FBLN7: variants seen among roughly 807,000 people sequenced by gnomAD.
The protein encoded by FBLN7 is fibulin-7.
FBLN7 carries 31 observed loss-of-function variants against 44.0 expected under a neutral mutation model. The ratio of observed to expected loss-of-function variants is 0.70; its 90% CI spans 0.53 to 0.95. The LOEUF is 0.95. FBLN7 is among the 40% of genes least tolerant of loss of function. The pLI is 0.00. For missense variants in FBLN7, 573 were observed against 618.5 expected, an observed-to-expected ratio of 0.93 and a Z score of 0.78; for synonymous variants, 262 against 253.4, an observed-to-expected ratio of 1.03 and a Z score of -0.32.
In FBLN7 at chr2:112,175,733, C is replaced by T. The variant is rs1261184293; in HGVS notation, c.426C>T (p.Ser142=). ...TCCTAGGTATCAGTGAATGCTCCAG[C>T]CAGCCTTGTCAAAATGGTGGTACAT... The part of the protein sequence containing the change: ...PHCRGISECS[S]QPCQNGGTCV... Residue 142 remains serine (S), a synonymous_variant, in exon 4 of 8, where the codon AGC becomes AGT. Coordinates refer to ENST00000331203, the MANE Select transcript of FBLN7 (RefSeq NM_153214.3). The T allele has an allele frequency of 6.2e-7, 1 of 1,614,078 alleles. No homozygotes were observed. Among genetic ancestry groups the T allele is most frequent in the African/African-American group, 1.3e-5 (1 of 74,930 alleles).
the FBLN7 span, chr2:112,236,640 C>T: frequency 1.2e-6 from 2 of 1,613,950 alleles, no homozygotes; most frequent in Non-Finnish European, 8.5e-7. Context: ...GCTTCATTTT[C>T]TTCTGTTTGC....
chr2:112,160,726 ACGCACG>A (rs1558879836), intron 2 of FBLN7, among the ~76,000 whole-genome samples: 16 of 132,706 alleles, frequency 1.2e-4, no homozygotes, highest in African/African-American at 2.7e-4. Context: ...GCACGCGCAC[ACGCACG>A]CACACGCACA....
At position 112,138,461 on chromosome 2, in the gene FBLN7, C is replaced by T. The variant is rs981852607; in HGVS notation, c.-195C>T. On this transcript the variant is annotated 5_prime_UTR_variant, in exon 1 of 8. Transcript: ENST00000331203. ...GCAGCTGCGGGCGCACCTGGACCCT[C>T]GCAAGGCCCGGGCGGCGCCGATCCC... 6 of 461,364 alleles carry T rather than the reference C, an allele frequency of 1.3e-5. No individual in the cohort carries two copies. Among genetic ancestry groups the T allele is most frequent in the African/African-American group, 6.3e-5 (3 of 47,326 alleles). 28.6% of individuals were successfully genotyped at this position (461,364 alleles called of 1,614,324 possible).
intron 3 of FBLN7, among the ~76,000 whole-genome samples, chr2:112,168,634 C>T (rs1396555802): frequency 6.6e-6 from 1 of 152,122 alleles, no homozygotes; most frequent in African/African-American, 2.4e-5. Flanking sequence ...TGTTTGATGA[C>T]CAATTGTGAC....
At chr2:112,150,181 C>T (rs1056851865) in intron 1 of FBLN7, among the ~76,000 whole-genome samples, 1 of 152,274 alleles carries the variant, frequency 6.6e-6, no homozygotes, top group East Asian at 1.9e-4. Flanking sequence ...GGGTTATGAG[C>T]TCTGGAGCAG....
the FBLN7 span, among the ~76,000 whole-genome samples, chr2:112,227,782 G>A: frequency 4.0e-5 from 6 of 151,822 alleles, no homozygotes; most frequent in Admixed American, 3.9e-4. Flanking sequence ...CTGTACACTT[G>A]TACAGTGAAA....
At chr2:112,191,733 C>A (rs1054611071), downstream of FBLN7, among the ~76,000 whole-genome samples, 4 of 152,122 alleles carry the variant, frequency 2.6e-5, no homozygotes, top group African/African-American at 9.7e-5. Context: ...TGGAATGGTT[C>A]CCCTCTCTGT....
In FBLN7 at chr2:112,187,245, G is replaced by C. The variant is rs377093141; in HGVS notation, c.1059G>C (p.Thr353=). ...SLPSNLKTPI[T]LFRMATASAP... ...CTTCCAACCTGAAGACGCCCATCAC[G>C]CTCTTCCGCATGGCCACAGCCTCTG... Residue 353 remains threonine, a synonymous_variant, in exon 8 of 8, where the codon ACG becomes ACC. Transcript: ENST00000331203. This position sits in a 1 kb window ranked among gnomAD's most constrained non-coding sequence, Gnocchi z 5.1. 1.9e-6 allele frequency: 3 copies of C among 1,614,122 alleles called. 1 individual carries two copies. Among genetic ancestry groups the C allele is most frequent in the Non-Finnish European group, 2.5e-6 (3 of 1,180,040 alleles).
At chr2:112,182,607 G>A (rs907919645) in intron 5 of FBLN7, among the ~76,000 whole-genome samples, 184 bp from the exon 6 acceptor site, 2 of 152,238 alleles carry the variant, frequency 1.3e-5, no homozygotes, top group South Asian at 2.1e-4. Flanking sequence ...TTAGGAGAAA[G>A]GGAAGCACAC....
the FBLN7 span, among the ~76,000 whole-genome samples, chr2:112,198,176 C>G: frequency 6.6e-6 from 1 of 152,214 alleles, no homozygotes; most frequent in Non-Finnish European, 1.5e-5. Flanking sequence ...GCAGCTGATT[C>G]GGCTCTTACC....
the FBLN7 span, chr2:112,238,699 TAAAAA>T: frequency 2.2e-6 from 1 of 462,018 alleles, no homozygotes; most frequent in Non-Finnish European, 3.7e-6. Flanking sequence ...TTTCCAGAAT[TAAAAA>T]AAAGAAAAAA....
chr2:112,234,571 C>T, the FBLN7 span, among the ~76,000 whole-genome samples: 2 of 152,084 alleles, frequency 1.3e-5, no homozygotes, highest in African/African-American at 4.8e-5. Flanking sequence ...GAGGCTGAGG[C>T]GGGTGGACCA....
chr2:112,211,643 A>T, the FBLN7 span: 1 of 152,240 alleles, frequency 6.6e-6, no homozygotes, highest in East Asian at 1.9e-4. Context: ...CTGCTAAGAA[A>T]ACAATAACCT....
At chr2:112,164,522 A>G (rs1573799223) in intron 2 of FBLN7, among the ~76,000 whole-genome samples, 2 of 152,188 alleles carry the variant, frequency 1.3e-5, no homozygotes, top group South Asian at 4.1e-4. Context: ...GTGGTGGCAT[A>G]TGAGTGGAAA....
At chr2:112,237,579 A>T in the FBLN7 span, among the ~76,000 whole-genome samples, 1 of 145,686 alleles carries the variant, frequency 6.9e-6, no homozygotes, top group South Asian at 2.2e-4. Flanking sequence ...TAAAATTTTA[A>T]TTTTTTTTTT....
chr2:112,203,676 GC>G, the FBLN7 span, among the ~76,000 whole-genome samples: 1 of 152,166 alleles, frequency 6.6e-6, no homozygotes, highest in Non-Finnish European at 1.5e-5. Context: ...TTTTCATGCT[GC>G]TGATAAGGAC....
At chr2:112,228,175 G>T in the FBLN7 span, among the ~76,000 whole-genome samples, 3 of 152,134 alleles carry the variant, frequency 2.0e-5, no homozygotes, top group Non-Finnish European at 4.4e-5. Context: ...AAGGCATGAA[G>T]GCAAGTCAGG....
intron 1 of FBLN7, chr2:112,151,918 G>A (rs561845695): frequency 6.6e-6 from 1 of 152,234 alleles, no homozygotes; most frequent in African/African-American, 2.4e-5. Flanking sequence ...TCTGGACAAA[G>A]GTTAGCTGGG....
At chr2:112,210,376 C>T in the FBLN7 span, among the ~76,000 whole-genome samples, 2 of 151,960 alleles carry the variant, frequency 1.3e-5, no homozygotes, top group African/African-American at 4.8e-5. Context: ...AGGTAATAGG[C>T]CGGGCACGGT....
Sources: gnomAD v4.1 joint callset for allele counts (sites outside exome capture counted in the v4.1 genomes callset) on GRCh38, gnomAD v4.1.1 for gene constraint, Gnocchi (gnomAD v3.1) non-coding constraint, MANE v1.5 for transcripts, NCBI Gene and HGNC (gene_info 2026-07-23, HGNC 2026-07-21) for gene names.